USP9Y: variants seen among roughly 807,000 people sequenced by gnomAD.
USP9Y encodes ubiquitin carboxyl-terminal hydrolase 9Y.
A neutral mutation model predicts 53.1 loss-of-function variants in USP9Y; 41 were observed. The observed-to-expected ratio is 0.77, with a 90% CI of 0.60 to 1.00. The LOEUF (loss-of-function observed/expected upper bound fraction) is 1.00. Ranked by LOEUF, USP9Y falls within the 50% of genes least tolerant of loss-of-function variation. The pLI, the probability that USP9Y is intolerant of heterozygous loss-of-function variation, is 0.00. For missense variants in USP9Y, 567 were observed against 535.8 expected, an observed-to-expected ratio of 1.06 and a Z score of -0.58; for synonymous variants, 220 against 173.7, an observed-to-expected ratio of 1.27 and a Z score of -2.09.
Position 12,811,789 on chromosome Y carries a change from CT to C in USP9Y, c.4386+18del, listed in dbSNP as rs762320798. ...GGTGCTAATCTCATTAAAGTAAGTA[CT>C]TTTTTTTTTCTTTTTTTGAGATGGA... is the stretch of plus-strand genomic sequence containing the variant. On this transcript the variant is annotated intron_variant, in intron 30 of 45. Coordinates refer to ENST00000338981, the MANE Select transcript of USP9Y (RefSeq NM_004654.4). 1.9e-5 allele frequency: 7 copies of C among 362,473 alleles called. No homozygotes were observed. Among genetic ancestry groups the C allele is most frequent in the South Asian group, 3.3e-5 (1 of 30,363 alleles). 90.4% of individuals were successfully genotyped at this position (362,473 alleles called of 400,897 possible). A position where few individuals can be genotyped will look rare whatever the true frequency, so the allele number is the denominator to read the frequency against.
intron 45 of USP9Y, among the ~76,000 whole-genome samples, chrY:12,859,014 G>C (rs2053580598): frequency 2.9e-5 from 1 of 33,985 alleles, no homozygotes; most frequent in African/African-American, 1.2e-4. Flanking sequence ...ACCTGGCCAA[G>C]ACTCTTGGGT....
chrY:12,846,457 A>G lies in USP9Y; in HGVS notation c.6693A>G (p.Ser2231=). The stretch of plus-strand genomic sequence containing the variant: ...ATGCTGAATTAGGCAAGTTATATTC[A>G]GTAGTGTCTCAGCTGATTCGTTGTT... The part of the protein sequence containing the change: ...YQYAELGKLY[S]VVSQLIRCCN... Residue 2231 remains serine, a synonymous_variant, in exon 40 of 46, where the codon TCA becomes TCG. Coordinates refer to ENST00000338981, the MANE Select transcript of USP9Y (RefSeq NM_004654.4). The G allele has an allele frequency of 2.5e-6, 1 of 398,501 alleles. No homozygotes were observed. Among genetic ancestry groups the G allele is most frequent in the South Asian group, 3.0e-5 (1 of 33,788 alleles).
intron 12 of USP9Y, 66 bp from the exon 13 acceptor site, chrY:12,757,126 C>T: frequency 8.5e-5 from 29 of 342,575 alleles, no homozygotes; most frequent in Non-Finnish European, 1.2e-4. Context: ...AGACTTAAAG[C>T]AGTGGTTAAT....
intron 3 of USP9Y, among the ~76,000 whole-genome samples, chrY:12,714,704 A>G (rs2053429155): frequency 3.6e-5 from 1 of 28,098 alleles, no homozygotes; most frequent in Non-Finnish European, 8.4e-5. Flanking sequence ...CCCACCTGCA[A>G]TCGCCTCCCA....
intron 33 of USP9Y, among the ~76,000 whole-genome samples, chrY:12,826,415 C>G: frequency 3.3e-5 from 1 of 29,862 alleles, no homozygotes; most frequent in Admixed American, 3.1e-4. Context: ...AAACCTCCAT[C>G]TCTCCTAAAA....
chrY:12,815,921 G>A, intron 31 of USP9Y, among the ~76,000 whole-genome samples: 1 of 34,372 alleles, frequency 2.9e-5, no homozygotes, highest in Non-Finnish European at 7.3e-5. Context: ...TACAGAAGCA[G>A]TATCATTAAA....
At chrY:12,771,895 CT>C (rs2053486275) in intron 16 of USP9Y, among the ~76,000 whole-genome samples, 6 of 32,098 alleles carry the variant, frequency 1.9e-4, no homozygotes, top group African/African-American at 7.3e-4. Context: ...CTTGTAGTAC[CT>C]TTTTTTTAAC....
intron 22 of USP9Y, among the ~76,000 whole-genome samples, chrY:12,785,824 C>T (rs377218980): frequency 9.8e-3 from 326 of 33,276 alleles, no homozygotes; most frequent in South Asian, 0.044. Flanking sequence ...ATCCTTTGCT[C>T]ATTTTTAATT....
chrY:12,755,090 G>A (rs2053467007), intron 12 of USP9Y, among the ~76,000 whole-genome samples: 2 of 30,576 alleles, frequency 6.5e-5, no homozygotes, highest in African/African-American at 1.3e-4. Flanking sequence ...CATTAAAATA[G>A]CTTTTCTACT....
chrY:12,801,187 T>C, intron 27 of USP9Y, among the ~76,000 whole-genome samples: 7 of 33,293 alleles, frequency 2.1e-4, no homozygotes, highest in Admixed American at 1.9e-3. Context: ...AAGTAATAAA[T>C]ATCCTCCTGA....
At chrY:12,752,278 C>T (rs1603197715) in intron 12 of USP9Y, among the ~76,000 whole-genome samples, 10 of 32,943 alleles carry the variant, frequency 3.0e-4, no homozygotes, top group African/African-American at 8.3e-4. Flanking sequence ...ATTATTTATT[C>T]ACACATACAA....
At chrY:12,771,762 GTC>G (rs2053486087) in intron 16 of USP9Y, among the ~76,000 whole-genome samples, 1 of 31,852 alleles carries the variant, frequency 3.1e-5, no homozygotes, top group South Asian at 6.8e-4. Flanking sequence ...TTGACATAAA[GTC>G]TGTTTTTTTT....
At chrY:12,754,866 C>T (rs2053466884) in intron 12 of USP9Y, among the ~76,000 whole-genome samples, 1 of 32,486 alleles carries the variant, frequency 3.1e-5, no homozygotes, top group East Asian at 8.0e-4. Flanking sequence ...GTAGTTCTGT[C>T]GTTTGTTTAG....
chrY:12,750,705 G>A (rs749647282), intron 12 of USP9Y, among the ~76,000 whole-genome samples: 368 of 33,171 alleles, frequency 0.011, no homozygotes, highest in Non-Finnish European at 7.9e-3. Flanking sequence ...GTTCAGCCAG[G>A]TTTATACTTC....
chrY:12,726,621 C>A lies in USP9Y; in HGVS notation c.485C>A (p.Ala162Asp). ...NTHRLVELCV[A>D]KLSQDWFPLL... ...CATCGCCTAGTGGAGCTTTGTGTGG[C>A]CAAGTTGTCCCAAGATTGGTTTCCA... The change falls in exon 7 of 46, where the codon GCC becomes GAC. Residue 162 changes from alanine to aspartate, a missense_variant. Physicochemically the swap from Ala to Asp is moderately radical, Grantham distance 126. Coordinates refer to ENST00000338981, the MANE Select transcript of USP9Y (RefSeq NM_004654.4). The A allele has an allele frequency of 2.5e-6, 1 of 398,069 alleles. No homozygotes were observed. The highest frequency in any genetic ancestry group is 3.5e-6 in the Non-Finnish European group (1 of 283,159).
chrY:12,751,009 T>A (rs760017335), intron 12 of USP9Y, among the ~76,000 whole-genome samples: 48 of 30,407 alleles, frequency 1.6e-3, no homozygotes, highest in South Asian at 3.0e-3. Flanking sequence ...TTATTTATTT[T>A]TTTTTTTTGA....
chrY:12,824,157 C>G (rs781618171), intron 33 of USP9Y, among the ~76,000 whole-genome samples: 2 of 32,616 alleles, frequency 6.1e-5, no homozygotes, highest in South Asian at 1.3e-3. Flanking sequence ...GCTTCTGTAT[C>G]TTAATGGAAG....
chrY:12,748,612 C>G (rs2053462143), intron 12 of USP9Y, among the ~76,000 whole-genome samples: 1 of 33,317 alleles, frequency 3.0e-5, no homozygotes, highest in East Asian at 8.0e-4. Context: ...TCAATCCTTT[C>G]CTTACCTACT....
At chrY:12,729,305 C>T (rs2053445336) in intron 7 of USP9Y, among the ~76,000 whole-genome samples, 1 of 34,419 alleles carries the variant, frequency 2.9e-5, no homozygotes, top group Non-Finnish European at 7.3e-5. Context: ...GCTTTTGCCG[C>T]ATCTCATAAG....
Sources: gnomAD v4.1 joint callset for allele counts (sites outside exome capture counted in the v4.1 genomes callset) on GRCh38, gnomAD v4.1.1 for gene constraint, MANE v1.5 for transcripts, NCBI Gene and HGNC (gene_info 2026-07-23, HGNC 2026-07-21) for gene names.